Variants in ARNT2 observed in about 807,000 individuals in gnomAD.
ARNT2 encodes the protein ARNT protein 2.
ARNT2 carries 36 observed loss-of-function variants against 91.7 expected under a neutral mutation model. That is an observed-to-expected ratio of 0.39 (90% CI 0.30 to 0.52). The LOEUF (loss-of-function observed/expected upper bound fraction) is 0.52, where lower values mean the gene tolerates loss of function less well. Ranked by LOEUF, ARNT2 falls within the 20% of genes least tolerant of loss-of-function variation. ARNT2 has a pLI of 0.72. For missense variants in ARNT2, 775 were observed against 939.3 expected (o/e 0.83, Z 2.29); for synonymous variants, 365 against 347.1 (o/e 1.05, Z -0.57).
At chr15:80,566,348 TC>T (rs1218791410) in intron 12 of ARNT2, among the ~76,000 whole-genome samples, 1 of 152,202 alleles carries the variant, frequency 6.6e-6, no homozygotes. Flanking sequence ...TGTATCTATC[TC>T]AATGCCCTCC....
At chr15:80,412,419 A>G (rs1446337) in intron 1 of ARNT2, among the ~76,000 whole-genome samples, 103,501 of 152,082 alleles carry the variant, frequency 0.68, 37,063 homozygotes, top group East Asian at 0.91. Flanking sequence ...TGGAAAATGC[A>G]CAAAAACACT....
chr15:80,534,858 G>T (rs1028359750), intron 8 of ARNT2, among the ~76,000 whole-genome samples: 3 of 152,200 alleles, frequency 2.0e-5, no homozygotes, highest in African/African-American at 4.8e-5. Flanking sequence ...TAGTTACCCT[G>T]CCGAACAGGA....
chr15:80,542,385 C>A (rs138911617), intron 8 of ARNT2, among the ~76,000 whole-genome samples: 1 of 152,186 alleles, frequency 6.6e-6, no homozygotes, highest in Non-Finnish European at 1.5e-5. Flanking sequence ...ATGAAACTTA[C>A]AATTGAGAAT....
At chr15:80,568,896 G>A (rs1167794580) in intron 12 of ARNT2, among the ~76,000 whole-genome samples, 1 of 152,242 alleles carries the variant, frequency 6.6e-6, no homozygotes, top group Non-Finnish European at 1.5e-5. Context: ...TGCTGAGCCA[G>A]TCCACGTGGC....
chr15:80,490,990 G>T (rs1311659970), intron 5 of ARNT2, among the ~76,000 whole-genome samples: 1 of 152,208 alleles, frequency 6.6e-6, no homozygotes, highest in Non-Finnish European at 1.5e-5. Context: ...AGTGGAGCAG[G>T]GAAAGGCCTC....
intron 14 of ARNT2, among the ~76,000 whole-genome samples, chr15:80,575,946 G>A (rs765141896): frequency 2.6e-5 from 4 of 152,182 alleles, no homozygotes; most frequent in South Asian, 2.1e-4. Context: ...TGTAACAAAC[G>A]ATAGCAAACT....
intron 8 of ARNT2, among the ~76,000 whole-genome samples, chr15:80,550,451 T>C (rs1898064080): frequency 6.6e-6 from 1 of 152,258 alleles, no homozygotes; most frequent in African/African-American, 2.4e-5. Flanking sequence ...AATGTTCTAC[T>C]TAACAGCACT....
At chr15:80,534,025 C>T (rs1233285260) in intron 8 of ARNT2, among the ~76,000 whole-genome samples, 2 of 152,238 alleles carry the variant, frequency 1.3e-5, no homozygotes, top group Admixed American at 6.5e-5. Context: ...AGAAAATACT[C>T]ATTTGCAACT....
chr15:80,494,238 T>C lies in ARNT2; in HGVS notation c.623-13918T>C, dbSNP rs117237971. ...GAAATATTTCAATATCTCTCTATTT[T>C]AAGGCCCCTTTTACTGTTTTTCTTC... On this transcript the variant is annotated intron_variant, in intron 5 of 18. Coordinates refer to ENST00000303329, the MANE Select transcript of ARNT2 (RefSeq NM_014862.4). 6.9e-3 allele frequency among the ~76,000 whole-genome samples: 1,049 copies of C among 152,340 alleles called. 7 individuals carry two copies. Among genetic ancestry groups the C allele is most frequent in the South Asian group, 0.012 (60 of 4,826 alleles).
At chr15:80,450,433 G>A (rs1567182732) in intron 1 of ARNT2, among the ~76,000 whole-genome samples, 1 of 152,114 alleles carries the variant, frequency 6.6e-6, no homozygotes, top group Non-Finnish European at 1.5e-5. Context: ...CGAACCTAGG[G>A]CAACGGAGGG....
chr15:80,468,666 G>T (rs1038303046), intron 3 of ARNT2, among the ~76,000 whole-genome samples: 8 of 152,220 alleles, frequency 5.3e-5, no homozygotes, highest in South Asian at 2.1e-4. Flanking sequence ...CTCCATTGTG[G>T]TTTTTGCTTT....
chr15:80,508,343 G>T lies in ARNT2; in HGVS notation c.725+85G>T, dbSNP rs113905151. The stretch of plus-strand genomic sequence containing the variant: ...GTTAAGAGCCTTGACCAGCTCTGCC[G>T]CAGTCACACATGCCAACGTGGGTTC... On this transcript the variant is annotated intron_variant, in intron 6 of 18. Transcript: ENST00000303329. The T allele has an allele frequency of 1.0e-4, 137 of 1,365,888 alleles. 2 individuals are homozygous for T. Among genetic ancestry groups the T allele is most frequent in the Middle Eastern group, 9.3e-4 (4 of 4,284 alleles). 84.6% of individuals were successfully genotyped at this position (1,365,888 alleles called of 1,614,324 possible).
chr15:80,515,809 A>G (rs1897425130), intron 8 of ARNT2, among the ~76,000 whole-genome samples: 1 of 150,212 alleles, frequency 6.7e-6, no homozygotes. Context: ...TATATATCTC[A>G]GTAACTATTT....
At chr15:80,429,665 G>C (rs912025825) in intron 1 of ARNT2, among the ~76,000 whole-genome samples, 1 of 152,236 alleles carries the variant, frequency 6.6e-6, no homozygotes, top group African/African-American at 2.4e-5. Flanking sequence ...AGGCTCGGAC[G>C]TGTGATTGGC....
intron 5 of ARNT2, among the ~76,000 whole-genome samples, chr15:80,492,663 A>C (rs528998801): frequency 2.0e-5 from 3 of 149,212 alleles, no homozygotes; most frequent in Middle Eastern, 6.9e-3. Context: ...TATTATATTT[A>C]CCTCCTTTCC....
intron 1 of ARNT2, among the ~76,000 whole-genome samples, chr15:80,419,467 C>T (rs1297631725): frequency 1.3e-5 from 2 of 152,180 alleles, no homozygotes; most frequent in African/African-American, 2.4e-5. Context: ...CCCAAGTGTA[C>T]CTTCTTTCCA....
At chr15:80,553,746 G>GA (rs146434102) in intron 10 of ARNT2, among the ~76,000 whole-genome samples, 12,253 of 152,012 alleles carry the variant, frequency 0.081, 516 homozygotes, top group Middle Eastern at 0.13. Flanking sequence ...TTTTATAAAA[G>GA]AAAAAATATT....
chr15:80,459,842 G>A (rs1314703115), intron 3 of ARNT2, among the ~76,000 whole-genome samples: 1 of 152,224 alleles, frequency 6.6e-6, no homozygotes, highest in African/African-American at 2.4e-5. Context: ...ATAGGAATGA[G>A]TTTGTAGGAC....
rs147344883 is a variant in ARNT2 at position 80,580,542 on chromosome 15, C to G, written c.1745C>G (p.Pro582Arg). ...VAWTGSRPPF[P>R]GQQIPSQSSK... Reference sequence around the variant, plus strand: ...TGGACAGGGAGTCGTCCGCCCTTTCCGGGACAGGTATGGGCATCTGTGAGG... The same window carrying G: ...TGGACAGGGAGTCGTCCGCCCTTTCGGGGACAGGTATGGGCATCTGTGAGG... Residue 582 changes from proline to arginine, a missense_variant, in exon 16 of 19, where the codon CCG (proline) becomes CGG (arginine). Around this residue, in one of 5 missense-constraint regions of ARNT2, gnomAD observed 325 missense variants for 359.9 expected, o/e 0.90. Transcript: ENST00000303329. 3.0e-5 allele frequency: 49 copies of G among 1,613,854 alleles called. No individual in the cohort carries two copies. Among genetic ancestry groups the G allele is most frequent in the Non-Finnish European group, 3.9e-5 (46 of 1,180,018 alleles).
Sources: gnomAD v4.1 joint callset for allele counts (sites outside exome capture counted in the v4.1 genomes callset) on GRCh38, gnomAD v4.1.1 for gene constraint, gnomAD v4.1.1 regional missense constraint, MANE v1.5 for transcripts, NCBI Gene and HGNC (gene_info 2026-07-23, HGNC 2026-07-21) for gene names.